The following IMMT variants were observed in gnomAD, a reference collection of about 807,000 sequenced individuals.
IMMT encodes inner membrane mitochondrial protein.
A neutral mutation model predicts 92.7 loss-of-function variants in IMMT; 40 were observed. That is an observed-to-expected ratio of 0.43 (90% CI 0.34 to 0.56). The LOEUF (loss-of-function observed/expected upper bound fraction) is 0.56, where lower values mean the gene tolerates loss of function less well. IMMT is among the 20% of genes least tolerant of loss of function. The pLI, the probability that IMMT is intolerant of heterozygous loss-of-function variation, is 0.03. For missense variants in IMMT, 831 were observed against 912.1 expected, an observed-to-expected ratio of 0.91 and a Z score of 1.14; for synonymous variants, 322 against 336.1, an observed-to-expected ratio of 0.96 and a Z score of 0.46.
chr2:86,182,640 G>A lies in IMMT; in HGVS notation c.46-1268C>T, dbSNP rs147157618. ...GGCGGGGATTGCTTGAGCCCAGGAC[G>A]TCAGAACCAGCCTTGGCAACATGGC... On this transcript the variant is annotated intron_variant, in intron 1 of 14. Coordinates refer to ENST00000410111, the MANE Select transcript of IMMT (RefSeq NM_006839.3). 5.4e-3 allele frequency among the ~76,000 whole-genome samples: 818 copies of A among 152,224 alleles called. 7 individuals are homozygous for A. Among genetic ancestry groups the A allele is most frequent in the African/African-American group, 0.019 (774 of 41,550 alleles).
chr2:86,150,045 A>G (rs180921622), intron 12 of IMMT, among the ~76,000 whole-genome samples: 16 of 152,332 alleles, frequency 1.1e-4, no homozygotes, highest in Admixed American at 2.6e-4. Flanking sequence ...TGGAGGAACA[A>G]CAAAGCATGA....
chr2:86,179,527 C>G lies in IMMT; in HGVS notation c.215G>C (p.Arg72Pro). 1 of 1,613,198 alleles carries G rather than the reference C, an allele frequency of 6.2e-7. No individual in the cohort carries two copies. Among genetic ancestry groups the G allele is most frequent in the East Asian group, 2.2e-5 (1 of 44,816 alleles). ...AGGTATGGTTTTCTCTACACTTTCC[C>G]GGAAATGGGAATCCCATTTGGCATA... ...ILYAKWDSHF[R>P]ESVEKTIPYS... The change falls in exon 3 of 15, where the codon CGG (arginine) becomes CCG (proline). Residue 72 changes from arginine to proline, a missense_variant. Physicochemically the swap from Arg to Pro is moderately radical, Grantham distance 103. Coordinates refer to ENST00000410111, the MANE Select transcript of IMMT (RefSeq NM_006839.3).
chr2:86,191,965 C>T (rs777188662), intron 1 of IMMT, among the ~76,000 whole-genome samples: 1 of 152,074 alleles, frequency 6.6e-6, no homozygotes, highest in African/African-American at 2.4e-5. Context: ...GGCACTATGG[C>T]TCACGCCTGT....
chr2:86,152,239 G>A (rs755617327), intron 11 of IMMT, among the ~76,000 whole-genome samples: 1 of 151,990 alleles, frequency 6.6e-6, no homozygotes, highest in Non-Finnish European at 1.5e-5. Flanking sequence ...TCAGGAGTTC[G>A]AGACCAGCTT....
chr2:86,151,419 T>C lies in IMMT; in HGVS notation c.1279A>G (p.Lys427Glu), dbSNP rs1330737800. The change falls in exon 12 of 15, where the codon AAG becomes GAG. Residue 427 changes from lysine (K) to glutamate (E), a missense_variant. By Grantham distance (56) the Lys-to-Glu change is moderately conservative. Coordinates refer to ENST00000410111, the MANE Select transcript of IMMT (RefSeq NM_006839.3). ...TCCAAGGCTAACGTGATGTGCTGCTTTTCGGTGGCCTTCTGTTCTGCCAGC... is the reference window on the plus strand; with the variant it reads ...TCCAAGGCTAACGTGATGTGCTGCTCTTCGGTGGCCTTCTGTTCTGCCAGC... The part of the protein sequence containing the change: ...RELAEQKATE[K>E]QHITLALEKQ... 6.2e-7 allele frequency: 1 copy of C among 1,614,028 alleles called. No homozygotes were observed. The highest frequency in any genetic ancestry group is 1.1e-5 in the South Asian group (1 of 91,082).
At chr2:86,178,122 T>A (rs1677559161) in intron 3 of IMMT, among the ~76,000 whole-genome samples, 2 of 151,652 alleles carry the variant, frequency 1.3e-5, no homozygotes, top group Non-Finnish European at 2.9e-5. Flanking sequence ...GAGATCATCC[T>A]GGCTAACACA....
chr2:86,144,463 A>G lies in IMMT; in HGVS notation c.2082T>C (p.Ala694=), dbSNP rs1674839017. 3 of 1,613,886 alleles carry G rather than the reference A, an allele frequency of 1.9e-6. No homozygotes were observed. The Admixed American group carries it at 5.0e-5, about 27-fold the overall frequency. Reference sequence around the variant, plus strand: ...GATCACCATGCTCAATGCAATAGGAAGCATATGACAGTAATTTAAATGTGT... The same window carrying G: ...GATCACCATGCTCAATGCAATAGGAGGCATATGACAGTAATTTAAATGTGT... The part of the protein sequence containing the change: ...DINTFKLLSY[A]SYCIEHGDLE... The change falls in exon 15 of 15, where the codon GCT becomes GCC. Residue 694 remains alanine, a synonymous_variant. Transcript: ENST00000410111.
intron 3 of IMMT, among the ~76,000 whole-genome samples, chr2:86,178,398 C>A (rs1182540670): frequency 5.3e-5 from 8 of 151,284 alleles, no homozygotes; most frequent in Non-Finnish European, 8.8e-5. Flanking sequence ...GGGGCCGAGG[C>A]AGGCGGACCA....
chr2:86,171,279 A>C lies in IMMT; in HGVS notation c.488T>G (p.Val163Gly), dbSNP rs751577008. 4.3e-6 allele frequency: 7 copies of C among 1,610,024 alleles called. No homozygotes were observed. Among genetic ancestry groups the C allele is most frequent in the East Asian group, 2.2e-5 (1 of 44,844 alleles). The part of the protein sequence containing the change: ...GDTLSVPAPA[V>G]QPEESLKTDH... The stretch of plus-strand genomic sequence containing the variant: ...AGTTTTTAAAGATTCCTCAGGCTGA[A>C]CTGCAGGGGCTGGGACCGACAGGGT... The change falls in exon 5 of 15, where the codon GTT becomes GGT. Residue 163 changes from valine (V) to glycine (G), a missense_variant. Transcript: ENST00000410111.
At chr2:86,174,080 T>C (rs1677273864) in intron 3 of IMMT, among the ~76,000 whole-genome samples, 1 of 152,252 alleles carries the variant, frequency 6.6e-6, no homozygotes, top group South Asian at 2.1e-4. Context: ...TTAAGAAGAC[T>C]ATTATCATTT....
chr2:86,166,438 AC>A, intron 7 of IMMT, 69 bp downstream of exon 7: 1 of 1,449,232 alleles, frequency 6.9e-7, no homozygotes, highest in Non-Finnish European at 9.4e-7. Flanking sequence ...ACTTCTCTCC[AC>A]CCTCGATTTT....
chr2:86,179,954 C>CG (rs1672313367), intron 2 of IMMT, among the ~76,000 whole-genome samples: 2 of 152,116 alleles, frequency 1.3e-5, no homozygotes, highest in Admixed American at 1.3e-4. Context: ...TGTAGTAGCA[C>CG]GTGCCCCAGC....
chr2:86,185,270 A>C, intron 1 of IMMT, among the ~76,000 whole-genome samples: 1 of 152,240 alleles, frequency 6.6e-6, no homozygotes, highest in East Asian at 1.9e-4. Flanking sequence ...AGCATTAAAA[A>C]ACAAAACAAA....
chr2:86,155,067 C>A (rs116070967), intron 10 of IMMT, among the ~76,000 whole-genome samples: 1 of 152,028 alleles, frequency 6.6e-6, no homozygotes, highest in Non-Finnish European at 1.5e-5. Flanking sequence ...TTCACCATAT[C>A]GGCCAGGCCG....
chr2:86,190,213 C>A (rs556322168), intron 1 of IMMT, among the ~76,000 whole-genome samples: 20 of 152,338 alleles, frequency 1.3e-4, no homozygotes, highest in African/African-American at 4.8e-4. Flanking sequence ...TACTTTCTAG[C>A]ACGTGTGGTT....
At chr2:86,164,604 T>C (rs970864003) in intron 7 of IMMT, among the ~76,000 whole-genome samples, 4 of 147,526 alleles carry the variant, frequency 2.7e-5, no homozygotes, top group Non-Finnish European at 5.9e-5. Flanking sequence ...GGCAGGAGAA[T>C]TGCTTGAACC....
In IMMT at chr2:86,186,957, T is replaced by C. The variant is rs140451052; in HGVS notation, c.46-5585A>G. ...TGGAAGCCTCTGCAAGTTTAGGGTG[T>C]GTATGTGTGTATCTAGCTCTGGCTC... is the stretch of plus-strand genomic sequence containing the variant. On this transcript the variant is annotated intron_variant, in intron 1 of 14. Coordinates refer to ENST00000410111, the MANE Select transcript of IMMT (RefSeq NM_006839.3). Among the ~76,000 whole-genome samples the C allele has an allele frequency of 4.8e-3, 738 of 152,302 alleles. 9 individuals are homozygous for C. Among genetic ancestry groups the C allele is most frequent in the African/African-American group, 0.017 (713 of 41,558 alleles).
intron 1 of IMMT, among the ~76,000 whole-genome samples, chr2:86,190,775 G>A (rs896861696): frequency 3.3e-5 from 5 of 152,140 alleles, no homozygotes; most frequent in Non-Finnish European, 2.9e-5. Context: ...AGATCACGAC[G>A]TCAGGAGATC....
intron 11 of IMMT, among the ~76,000 whole-genome samples, chr2:86,152,457 A>AAAAAAAAAAAAGAG (rs1242798734): frequency 1.3e-5 from 2 of 149,710 alleles, no homozygotes; most frequent in African/African-American, 4.9e-5. Flanking sequence ...AAAAAAAAAA[A>AAAAAAAAAAAAGAG]AGAGAGAATT....
Sources: gnomAD v4.1 joint callset for allele counts (sites outside exome capture counted in the v4.1 genomes callset) on GRCh38, gnomAD v4.1.1 for gene constraint, MANE v1.5 for transcripts, NCBI Gene and HGNC (gene_info 2026-07-23, HGNC 2026-07-21) for gene names.